Variants in MAP4K4 observed in about 807,000 individuals in gnomAD.
The protein encoded by MAP4K4 is mitogen-activated protein kinase kinase kinase kinase 4, also known as HPK/GCK-like kinase HGK.
Under a neutral mutation model 189.6 loss-of-function variants are expected in MAP4K4, and 38 were observed. The observed-to-expected ratio is 0.20, with a 90% CI of 0.15 to 0.26. The LOEUF (loss-of-function observed/expected upper bound fraction) is 0.26. MAP4K4 is among the 10% of genes least tolerant of loss of function. The probability of loss-of-function intolerance (pLI) is 1.00; values close to 1 mark genes in which losing one functional copy is unlikely to be tolerated. For synonymous variants in MAP4K4, 610 were observed against 624.3 expected, an observed-to-expected ratio of 0.98 and a Z score of 0.34; for missense variants, 1,054 against 1,726.9, an observed-to-expected ratio of 0.61 and a Z score of 6.91.
At chr2:101,720,014 A>G (rs1163990046) in intron 2 of MAP4K4, among the ~76,000 whole-genome samples, 1 of 152,094 alleles carries the variant, frequency 6.6e-6, no homozygotes, top group Non-Finnish European at 1.5e-5. Flanking sequence ...CTAGGTCTCA[A>G]AAAGAGTTCA....
At chr2:101,774,330 A>G (rs997728082) in intron 2 of MAP4K4, among the ~76,000 whole-genome samples, 3 of 152,142 alleles carry the variant, frequency 2.0e-5, no homozygotes, top group African/African-American at 7.2e-5. Flanking sequence ...GCACCTTTTC[A>G]TATACTTGTG....
intron 2 of MAP4K4, among the ~76,000 whole-genome samples, chr2:101,728,764 C>T (rs1248702627): frequency 6.6e-6 from 1 of 152,208 alleles, no homozygotes; most frequent in Non-Finnish European, 1.5e-5. Flanking sequence ...AGTGATCCAC[C>T]CACCGCTGCT....
At chr2:101,885,123 A>G in intron 28 of MAP4K4, 64 bp from the exon 29 acceptor site, 1 of 758,656 alleles carries the variant, frequency 1.3e-6, no homozygotes. Context: ...CAACTAAAAC[A>G]GTTTAGAGGG....
intron 25 of MAP4K4, 125 bp downstream of exon 25, chr2:101,873,889 C>T: frequency 1.2e-6 from 1 of 806,714 alleles, no homozygotes; most frequent in Admixed American, 2.6e-5. Flanking sequence ...AACTTCCCAT[C>T]CCAGTTGTAT....
chr2:101,774,580 T>C (rs2083050751), intron 2 of MAP4K4, among the ~76,000 whole-genome samples: 1 of 152,246 alleles, frequency 6.6e-6, no homozygotes, highest in Middle Eastern at 3.2e-3. Flanking sequence ...TATCCTGTTT[T>C]GTCCATTTTT....
Position 101,882,679 on chromosome 2 carries a change from A to C in MAP4K4, c.3514A>C (p.Lys1172Gln), listed in dbSNP as rs1341409060. Reference sequence around the variant, plus strand: ...GGATTTGGAAGGATGTGTACATTATAAAGTTGGTAAGTTCTAGAAGCGTCA... The same window carrying C: ...GGATTTGGAAGGATGTGTACATTATCAAGTTGGTAAGTTCTAGAAGCGTCA... Residue 1172 changes from lysine (K) to glutamine (Q), a missense_variant, in exon 28 of 33, where the codon AAA becomes CAA. Physicochemically the swap from Lys to Gln is moderately conservative, Grantham distance 53. This residue lies in a region of MAP4K4 where 189 missense variants were observed against 405.7 expected (regional missense o/e 0.47). Coordinates refer to ENST00000324219, the Ensembl canonical transcript of MAP4K4. The C allele has an allele frequency of 6.3e-7, 1 of 1,582,688 alleles. No homozygotes were observed. The highest frequency in any genetic ancestry group is 1.4e-5 in the African/African-American group (1 of 73,222).
chr2:101,767,445 T>G (rs1047795415), intron 2 of MAP4K4, among the ~76,000 whole-genome samples: 2 of 152,200 alleles, frequency 1.3e-5, no homozygotes, highest in African/African-American at 4.8e-5. Flanking sequence ...AGCTCTTCAG[T>G]TAGGAATTTC....
rs147547020 is a variant in MAP4K4, at chr2:101,782,481, T to C, written c.124-8239T>C. 1.8e-3 allele frequency among the ~76,000 whole-genome samples: 272 copies of C among 152,374 alleles called. 2 individuals carry two copies. The highest frequency in any genetic ancestry group is 6.3e-3 in the African/African-American group (262 of 41,580). Reference sequence around the variant, plus strand: ...CCAACTGATAGCACTGACATATTCATGTGCTTTCTTTGCCTGCCTGCTCAT... The same window carrying C: ...CCAACTGATAGCACTGACATATTCACGTGCTTTCTTTGCCTGCCTGCTCAT... On this transcript the variant is annotated intron_variant, in intron 2 of 32. Coordinates refer to ENST00000324219, the Ensembl canonical transcript of MAP4K4.
chr2:101,752,682 C>T (rs1348763256), intron 2 of MAP4K4, among the ~76,000 whole-genome samples: 1 of 152,120 alleles, frequency 6.6e-6, no homozygotes, highest in Non-Finnish European at 1.5e-5. Flanking sequence ...TCCCATTTAG[C>T]TGAAGAAAAA....
chr2:101,726,334 A>G (rs898256082), intron 2 of MAP4K4, among the ~76,000 whole-genome samples: 17 of 152,344 alleles, frequency 1.1e-4, no homozygotes, highest in African/African-American at 3.8e-4. Flanking sequence ...TGTAAGCATC[A>G]CTGTCCTCAC....
Position 101,888,786 on chromosome 2 carries a change from T to A in MAP4K4, c.3932-10T>A. 6.4e-7 allele frequency: 1 copy of A among 1,571,322 alleles called. No homozygotes were observed. The highest frequency in any genetic ancestry group is 8.6e-7 in the Non-Finnish European group (1 of 1,161,940). ...TCTTTAACGGTTTGCAATTTTTCCC[T>A]CCCCAAAAGCATATATTCGATCCAA... On this transcript the variant is annotated splice_polypyrimidine_tract_variant and intron_variant, in intron 31 of 32. Transcript: ENST00000324219.
chr2:101,867,257 C>T (rs2097845072), exon 20 of MAP4K4: 1 of 1,607,502 alleles, frequency 6.2e-7, no homozygotes. Flanking sequence ...CTGGAAAATG[C>T]AGTGAAAAAA....
At chr2:101,873,681 A>C in exon 25 of MAP4K4, 1 of 1,612,648 alleles carries the variant, frequency 6.2e-7, no homozygotes, top group Non-Finnish European at 8.5e-7. Context: ...CAGAAACACA[A>C]ATCTTCCTCC....
At chr2:101,721,764 C>T (rs561963986) in intron 2 of MAP4K4, among the ~76,000 whole-genome samples, 6 of 152,192 alleles carry the variant, frequency 3.9e-5, no homozygotes, top group South Asian at 4.2e-4. Context: ...TAAAGCCTTT[C>T]GACCCACCTG....
chr2:101,709,972 C>T (rs1453608979), intron 2 of MAP4K4, among the ~76,000 whole-genome samples: 3 of 152,112 alleles, frequency 2.0e-5, no homozygotes, highest in African/African-American at 7.2e-5. Flanking sequence ...TACTGCAGAG[C>T]TTTCGTTCTT....
At chr2:101,788,816 A>G (rs2092271372) in intron 2 of MAP4K4, among the ~76,000 whole-genome samples, 1 of 152,168 alleles carries the variant, frequency 6.6e-6, no homozygotes, top group South Asian at 2.1e-4. Flanking sequence ...CATAGAGGGA[A>G]GCATAGACCA....
chr2:101,802,835 G>A (rs1306888845), intron 3 of MAP4K4, among the ~76,000 whole-genome samples: 1 of 151,990 alleles, frequency 6.6e-6, no homozygotes, highest in Non-Finnish European at 1.5e-5. Flanking sequence ...ACCCAGGCTG[G>A]CGTGCAATGG....
rs375593356 is a variant in MAP4K4, at chr2:101,741,236, T to C, written c.123+42698T>C. Among the ~76,000 whole-genome samples, 13 of 150,050 alleles carry C rather than the reference T, an allele frequency of 8.7e-5. No homozygotes were observed. The East Asian group carries it at 2.2e-3, about 25-fold the overall frequency. On this transcript the variant is annotated intron_variant, in intron 2 of 32. Transcript: ENST00000324219. ...AGGCTGGAGTGCAGTGGCGTGATCT[T>C]GGCTCACTGCAAGCTCCGCCTCCTG...
At chr2:101,892,551 G>T (rs910697211) in exon 33 of MAP4K4, 3 of 268,496 alleles carry the variant, frequency 1.1e-5, no homozygotes, top group African/African-American at 2.3e-5. Context: ...CACACAAACT[G>T]TTCAGTGTTG....
Sources: gnomAD v4.1 joint callset for allele counts (sites outside exome capture counted in the v4.1 genomes callset) on GRCh38, gnomAD v4.1.1 for gene constraint, gnomAD v4.1.1 regional missense constraint, MANE v1.5 for transcripts, NCBI Gene and HGNC (gene_info 2026-07-23, HGNC 2026-07-21) for gene names.